CCDC85C: variants seen among roughly 807,000 people sequenced by gnomAD.
CCDC85C encodes the protein coiled-coil domain containing 85C.
A neutral mutation model predicts 38.3 loss-of-function variants in CCDC85C; 18 were observed. The ratio of observed to expected loss-of-function variants is 0.47; its 90% confidence interval spans 0.33 to 0.70. CCDC85C has a LOEUF of 0.70. Among genes scored for constraint, CCDC85C ranks in the 30% least tolerant of loss-of-function variants. The pLI, the probability that CCDC85C is intolerant of heterozygous loss-of-function variation, is 0.03. For synonymous variants in CCDC85C, 264 were observed against 293.8 expected (o/e 0.90, Z 1.04); for missense variants, 566 against 621.2 (o/e 0.91, Z 0.94).
In CCDC85C at chr14:99,510,250, C is replaced by A; in HGVS notation, c.*4996G>T. On this transcript the variant is annotated 3_prime_UTR_variant, in exon 6 of 6. Transcript: ENST00000380243. ...CTCCCCAAAGTCCAGATTCCCCCTC[C>A]GGCCCACCCGGCCCCTGTGCACCAG... The A allele has an allele frequency of 1.3e-6, 2 of 1,552,390 alleles. No homozygotes were observed. Among genetic ancestry groups the A allele is most frequent in the Non-Finnish European group, 1.7e-6 (2 of 1,151,546 alleles).
chr14:99,579,895 C>G (rs963352216), intron 1 of CCDC85C: 13 of 341,308 alleles, frequency 3.8e-5, no homozygotes, highest in African/African-American at 6.6e-5. Flanking sequence ...CAGAGGTCGC[C>G]CAAGGCCAGG....
At chr14:99,589,937 G>A (rs2055068064) in intron 1 of CCDC85C, among the ~76,000 whole-genome samples, 1 of 152,258 alleles carries the variant, frequency 6.6e-6, no homozygotes, top group African/African-American at 2.4e-5. Flanking sequence ...CAGGAGGGCA[G>A]ACCCCGGGGA....
chr14:99,523,296 A>T (rs1055699403), intron 2 of CCDC85C, among the ~76,000 whole-genome samples: 1 of 152,064 alleles, frequency 6.6e-6, no homozygotes, highest in Non-Finnish European at 1.5e-5. Flanking sequence ...GCTGTGAAAG[A>T]TCCCACACAC....
Position 99,510,845 on chromosome 14 carries a change from T to C in CCDC85C, c.*4401A>G, listed in dbSNP as rs1897113518. 9.8e-6 allele frequency: 13 copies of C among 1,325,282 alleles called. No individual in the cohort carries two copies. Among genetic ancestry groups the C allele is most frequent in the Non-Finnish European group, 1.2e-5 (12 of 1,020,148 alleles). 82.1% of individuals were successfully genotyped at this position (1,325,282 alleles called of 1,614,324 possible). A position where few individuals can be genotyped will look rare whatever the true frequency, so the allele number is the denominator to read the frequency against. On this transcript the variant is annotated 3_prime_UTR_variant, in exon 6 of 6. Coordinates refer to ENST00000380243, the MANE Select transcript of CCDC85C (RefSeq NM_001144995.2). ...TTTTCTAATCGACTTGCAGAGTAGTTGAAGTGGGTAAGCAGCAGGGTACCT... is the reference window on the plus strand; with the variant it reads ...TTTTCTAATCGACTTGCAGAGTAGTCGAAGTGGGTAAGCAGCAGGGTACCT...
intron 1 of CCDC85C, among the ~76,000 whole-genome samples, chr14:99,589,562 C>T (rs1321567450): frequency 6.6e-6 from 1 of 152,214 alleles, no homozygotes; most frequent in East Asian, 1.9e-4. Flanking sequence ...TCATGGACCA[C>T]TTTGGGCTCT....
rs1897089891 is a variant in CCDC85C at position 99,510,258 on chromosome 14, C to G, written c.*4988G>C. ...AGTCCAGATTCCCCCTCCGGCCCAC[C>G]CGGCCCCTGTGCACCAGCCACCGCC... On this transcript the variant is annotated 3_prime_UTR_variant, in exon 6 of 6. Coordinates refer to ENST00000380243, the MANE Select transcript of CCDC85C (RefSeq NM_001144995.2). 1 of 1,558,486 alleles carries G rather than the reference C, an allele frequency of 6.4e-7. No individual in the cohort carries two copies. The highest frequency in any genetic ancestry group is 1.8e-5 in the Admixed American group (1 of 54,890).
chr14:99,540,520 C>T (rs1897691576), intron 1 of CCDC85C, among the ~76,000 whole-genome samples: 1 of 152,174 alleles, frequency 6.6e-6, no homozygotes. Flanking sequence ...TAAGTTAATC[C>T]CAGGGTTTAC....
intron 2 of CCDC85C, among the ~76,000 whole-genome samples, chr14:99,523,414 C>T (rs1400509417): frequency 6.6e-6 from 1 of 152,160 alleles, no homozygotes; most frequent in African/African-American, 2.4e-5. Context: ...AGAGCCCTGG[C>T]CAGGCCCCCC....
At chr14:99,586,139 G>A (rs987394677) in intron 1 of CCDC85C, among the ~76,000 whole-genome samples, 74 of 152,194 alleles carry the variant, frequency 4.9e-4, no homozygotes, top group African/African-American at 1.7e-3. Flanking sequence ...AGGGCAACAC[G>A]GGGCCAGGGC....
chr14:99,515,138 C>G lies in CCDC85C; in HGVS notation c.*108G>C, dbSNP rs1423988764. ...GCAGCGTCCTATGTACAGTTCACCA[C>G]AGAGGAAGAAGACAGGGGCTGGGCT... On this transcript the variant is annotated 3_prime_UTR_variant, in exon 6 of 6. Coordinates refer to ENST00000380243, the MANE Select transcript of CCDC85C (RefSeq NM_001144995.2). 3.8e-6 allele frequency: 3 copies of G among 791,282 alleles called. No individual in the cohort carries two copies. The highest frequency in any genetic ancestry group is 3.5e-5 in the African/African-American group (2 of 57,890). The allele number at this position is 791,282 out of a possible 1,614,324, so 49.0% of individuals were successfully genotyped here.
intron 2 of CCDC85C, among the ~76,000 whole-genome samples, chr14:99,532,782 C>CTTCTTCT (rs1555368794): frequency 1.8e-4 from 22 of 124,380 alleles, no homozygotes; most frequent in Non-Finnish European, 2.8e-4. Context: ...TCTTCTTCTT[C>CTTCTTCT]TTTTTTTTTT....
intron 1 of CCDC85C, among the ~76,000 whole-genome samples, chr14:99,571,970 G>A (rs1898355056): frequency 1.3e-5 from 2 of 152,204 alleles, no homozygotes; most frequent in South Asian, 2.1e-4. Flanking sequence ...GGAAGGAACT[G>A]GAGGGGACAA....
chr14:99,547,645 G>T (rs957394330), intron 1 of CCDC85C, among the ~76,000 whole-genome samples: 3 of 151,844 alleles, frequency 2.0e-5, no homozygotes, highest in Non-Finnish European at 4.4e-5. Flanking sequence ...ATGGTGGCGG[G>T]CACCTGTAGT....
rs1401990954 is a variant in CCDC85C at position 99,588,246 on chromosome 14, T to C, written c.793+14921A>G. On this transcript the variant is annotated intron_variant, in intron 1 of 5. Transcript: ENST00000380243. The surrounding 1 kb of genome is among the most constrained non-coding windows in gnomAD (Gnocchi z 5.0). ...AATGCCGAGTCCAACCTGCTTGGGATGCAGCTGGCATGGTGGTACACCAGC... is the reference window on the plus strand; with the variant it reads ...AATGCCGAGTCCAACCTGCTTGGGACGCAGCTGGCATGGTGGTACACCAGC... 6.6e-6 allele frequency among the ~76,000 whole-genome samples: 1 copy of C among 152,074 alleles called. No individual in the cohort carries two copies. The highest frequency in any genetic ancestry group is 2.4e-5 in the African/African-American group (1 of 41,436).
At position 99,534,928 on chromosome 14, in the gene CCDC85C, G is replaced by T. The variant is rs1231366015; in HGVS notation, c.867+1087C>A. ...ATGGTGGTGGGGAGTGGGGGGCGGGGTGTGGAGGAGAGTTCACAAGAGGCC... is the reference window on the plus strand; with the variant it reads ...ATGGTGGTGGGGAGTGGGGGGCGGGTTGTGGAGGAGAGTTCACAAGAGGCC... On this transcript the variant is annotated intron_variant, in intron 2 of 5. Transcript: ENST00000380243. 10 of 576,920 alleles carry T rather than the reference G, an allele frequency of 1.7e-5. No individual in the cohort carries two copies. The East Asian group carries it at 2.9e-4, about 17-fold the overall frequency. The allele number at this position is 576,920 out of a possible 1,614,324, so 35.7% of individuals were successfully genotyped here.
chr14:99,603,745 T>C lies in CCDC85C; in HGVS notation c.215A>G (p.Asp72Gly). ...QHLLEIRGLK[D>G]VNQRLQDDNQ... is the part of the protein sequence containing the mutation. ...GTCGTCCTGCAGCCGCTGGTTCACGTCCTTGAGGCCGCGGATCTCCAGCAG... is the reference window on the plus strand; with the variant it reads ...GTCGTCCTGCAGCCGCTGGTTCACGCCCTTGAGGCCGCGGATCTCCAGCAG... Residue 72 changes from aspartate (D) to glycine (G), a missense_variant, in exon 1 of 6, where the codon GAC (aspartate) becomes GGC (glycine). This residue lies in a region of CCDC85C where 269 missense variants were observed against 308.2 expected (regional missense o/e 0.87). Coordinates refer to ENST00000380243, the MANE Select transcript of CCDC85C (RefSeq NM_001144995.2). The surrounding 1 kb of genome is among the most constrained non-coding windows in gnomAD (Gnocchi z 7.5). 1.3e-6 allele frequency: 2 copies of C among 1,523,592 alleles called. No individual in the cohort carries two copies. Among genetic ancestry groups the C allele is most frequent in the African/African-American group, 1.4e-5 (1 of 71,396 alleles). The allele number at this position is 1,523,592 out of a possible 1,614,324, so 94.4% of individuals were successfully genotyped here.
intron 1 of CCDC85C, among the ~76,000 whole-genome samples, chr14:99,538,379 C>A (rs1194702513): frequency 2.0e-5 from 3 of 152,236 alleles, no homozygotes. Context: ...TCACACCACT[C>A]TCCTGAAGGC....
At position 99,509,982 on chromosome 14, in the gene CCDC85C, T is replaced by G; in HGVS notation, c.*5264A>C. 1.5e-6 allele frequency: 1 copy of G among 645,938 alleles called. No homozygotes were observed. The highest frequency in any genetic ancestry group is 2.8e-5 in the East Asian group (1 of 36,166). The allele number at this position is 645,938 out of a possible 1,614,324, so 40.0% of individuals were successfully genotyped here. A position where few individuals can be genotyped will look rare whatever the true frequency, so the allele number is the denominator to read the frequency against. ...GGTGGAGGGCCTTCTTGACAGATGGTGGGGAGACATCTGGTGGCATCAGGA... is the reference window on the plus strand; with the variant it reads ...GGTGGAGGGCCTTCTTGACAGATGGGGGGGAGACATCTGGTGGCATCAGGA... On this transcript the variant is annotated 3_prime_UTR_variant, in exon 6 of 6. Coordinates refer to ENST00000380243, the MANE Select transcript of CCDC85C (RefSeq NM_001144995.2).
At chr14:99,586,796 G>A (rs971452198) in intron 1 of CCDC85C, among the ~76,000 whole-genome samples, 7 of 152,126 alleles carry the variant, frequency 4.6e-5, no homozygotes, top group East Asian at 1.9e-4. Flanking sequence ...TCTGCCGGCC[G>A]CCCCTTCCAC....
Sources: gnomAD v4.1 joint callset for allele counts (sites outside exome capture counted in the v4.1 genomes callset) on GRCh38, gnomAD v4.1.1 for gene constraint, gnomAD v4.1.1 regional missense constraint, Gnocchi (gnomAD v3.1) non-coding constraint, MANE v1.5 for transcripts, NCBI Gene and HGNC (gene_info 2026-07-23, HGNC 2026-07-21) for gene names.